Variants in ZNF609 observed in about 807,000 individuals in gnomAD.
The protein encoded by ZNF609 is zinc finger protein 609.
A neutral mutation model predicts 109.5 loss-of-function variants in ZNF609; 11 were observed. The ratio of observed to expected loss-of-function variants is 0.10; its 90% CI spans 0.06 to 0.17. The LOEUF (loss-of-function observed/expected upper bound fraction) is 0.17. Among genes scored for constraint, ZNF609 ranks in the 10% least tolerant of loss-of-function variants. ZNF609 has a pLI of 1.00. For missense variants in ZNF609, 1,559 were observed against 1,772.4 expected (o/e 0.88, Z 2.16); for synonymous variants, 646 against 662.0 (o/e 0.98, Z 0.37).
chr15:64,481,383 C>T (rs1335114667), intron 1 of ZNF609, among the ~76,000 whole-genome samples: 4 of 146,112 alleles, frequency 2.7e-5, no homozygotes, highest in African/African-American at 7.7e-5. Flanking sequence ...TGCAATGGCG[C>T]GATCTCGGCT....
intron 2 of ZNF609, among the ~76,000 whole-genome samples, chr15:64,569,503 A>T (rs1894828464): frequency 6.6e-6 from 1 of 152,252 alleles, no homozygotes; most frequent in Admixed American, 6.5e-5. Flanking sequence ...CCCAAGGAGT[A>T]TCTTTTCTCT....
At chr15:64,542,489 T>G (rs2140382908) in intron 2 of ZNF609, among the ~76,000 whole-genome samples, 1 of 152,374 alleles carries the variant, frequency 6.6e-6, no homozygotes, top group South Asian at 2.1e-4. Context: ...AAATAGGATT[T>G]AAATATTGTC....
chr15:64,655,815 G>A (rs1182207146), intron 3 of ZNF609, among the ~76,000 whole-genome samples: 1 of 152,124 alleles, frequency 6.6e-6, no homozygotes, highest in Non-Finnish European at 1.5e-5. Flanking sequence ...GGCAACGAGA[G>A]AAACTCTGTC....
At chr15:64,623,151 A>G in intron 3 of ZNF609, 99 bp downstream of exon 3, 1 of 1,240,954 alleles carries the variant, frequency 8.1e-7, no homozygotes, top group South Asian at 1.3e-5. Context: ...TGGTTATTAG[A>G]GTCTCAAGTG....
At chr15:64,467,727 C>T (rs1893035740) in intron 1 of ZNF609, among the ~76,000 whole-genome samples, 1 of 152,132 alleles carries the variant, frequency 6.6e-6, no homozygotes, top group Non-Finnish European at 1.5e-5. Context: ...CGTCTGTAGT[C>T]CCAGCTACTC....
chr15:64,493,361 G>A (rs150016344), intron 1 of ZNF609, among the ~76,000 whole-genome samples: 1 of 152,198 alleles, frequency 6.6e-6, no homozygotes, highest in East Asian at 1.9e-4. Flanking sequence ...TGTATGGTCT[G>A]TGACATAAGT....
In ZNF609 at chr15:64,582,723, CT is replaced by C. The variant is rs538806936; in HGVS notation, c.748-40089del. ...CTCTTTCTTTCTTTCTTTCTTTTTT[CT>C]TTTTTTTTTTTTTTGAGACAGAGTC... is the stretch of plus-strand genomic sequence containing the variant. On this transcript the variant is annotated intron_variant, in intron 2 of 9. Transcript: ENST00000326648. Among the ~76,000 whole-genome samples the C allele has an allele frequency of 9.5e-3, 842 of 88,810 alleles. 20 individuals carry two copies. The highest frequency in any genetic ancestry group is 0.036 in the African/African-American group (803 of 22,258). 58.3% of individuals were successfully genotyped at this position (88,810 alleles called of 152,430 possible). A position where few individuals can be genotyped will look rare whatever the true frequency, so the allele number is the denominator to read the frequency against.
At chr15:64,505,614 A>C (rs1014831040) in intron 2 of ZNF609, among the ~76,000 whole-genome samples, 1 of 152,142 alleles carries the variant, frequency 6.6e-6, no homozygotes, top group African/African-American at 2.4e-5. Flanking sequence ...GTCCCATAAA[A>C]CCATGTACAT....
At chr15:64,616,043 G>T (rs1197664155) in intron 2 of ZNF609, among the ~76,000 whole-genome samples, 1 of 151,908 alleles carries the variant, frequency 6.6e-6, no homozygotes, top group African/African-American at 2.4e-5. Context: ...TTCAGATAGG[G>T]TCTCTCATTT....
At chr15:64,541,686 A>G (rs1894265728) in intron 2 of ZNF609, among the ~76,000 whole-genome samples, 1 of 150,922 alleles carries the variant, frequency 6.6e-6, no homozygotes, top group South Asian at 2.1e-4. Flanking sequence ...TAAAAATACA[A>G]ACAATTAGCC....
At chr15:64,651,016 A>G (rs1896408165) in intron 3 of ZNF609, among the ~76,000 whole-genome samples, 1 of 152,156 alleles carries the variant, frequency 6.6e-6, no homozygotes, top group South Asian at 2.1e-4. Flanking sequence ...ACTAATGGAA[A>G]TAGGAAGGAT....
At chr15:64,516,702 G>T (rs1269490429) in intron 2 of ZNF609, among the ~76,000 whole-genome samples, 1 of 152,066 alleles carries the variant, frequency 6.6e-6, no homozygotes, top group African/African-American at 2.4e-5. Flanking sequence ...AGAAAACTTA[G>T]ATTTTATTGT....
intron 2 of ZNF609, among the ~76,000 whole-genome samples, chr15:64,591,383 G>A (rs968407870): frequency 1.8e-4 from 27 of 151,930 alleles, no homozygotes; most frequent in African/African-American, 5.8e-4. Context: ...AGCCAAGATC[G>A]CGCCACTGCA....
intron 2 of ZNF609, among the ~76,000 whole-genome samples, chr15:64,540,533 T>C (rs1009512358): frequency 1.3e-5 from 2 of 151,898 alleles, no homozygotes; most frequent in African/African-American, 4.8e-5. Context: ...GCCTCCCAAG[T>C]AGCTGGGACT....
At chr15:64,546,053 A>G (rs1339266569) in intron 2 of ZNF609, among the ~76,000 whole-genome samples, 1 of 152,152 alleles carries the variant, frequency 6.6e-6, no homozygotes, top group African/African-American at 2.4e-5. Context: ...TGGTAAGTAT[A>G]TATTTAACTT....
In ZNF609 at chr15:64,577,200, AATACATATATATGTAT is replaced by A. The variant is rs1318803646; in HGVS notation, c.748-45623_748-45608del. 2.7e-4 allele frequency among the ~76,000 whole-genome samples: 25 copies of A among 92,002 alleles called. 12 individuals carry two copies. The highest frequency in any genetic ancestry group is 6.3e-4 in the Admixed American group (4 of 6,310). 60.4% of individuals were successfully genotyped at this position (92,002 alleles called of 152,430 possible). ...ACATATATGTGTATATATACACACA[AATACATATATATGTAT>A]ATATATACACACAAATACATACATA... On this transcript the variant is annotated intron_variant, in intron 2 of 9. Transcript: ENST00000326648.
chr15:64,571,356 C>T (rs1672606387), intron 2 of ZNF609, among the ~76,000 whole-genome samples: 1 of 151,958 alleles, frequency 6.6e-6, no homozygotes, highest in South Asian at 2.1e-4. Context: ...ATAGTGCTGG[C>T]ACTTTAAATG....
intron 1 of ZNF609, among the ~76,000 whole-genome samples, chr15:64,487,470 A>C (rs1893348605): frequency 6.6e-6 from 1 of 152,194 alleles, no homozygotes; most frequent in South Asian, 2.1e-4. Flanking sequence ...ACAGATATGT[A>C]ACCACTATCC....
rs1595764426 is a variant in ZNF609, at chr15:64,685,085, G to C, written c.*3399G>C. The C allele has an allele frequency of 6.6e-6, 1 of 152,412 alleles. No homozygotes were observed. Among genetic ancestry groups the C allele is most frequent in the East Asian group, 1.9e-4 (1 of 5,184 alleles). The allele number at this position is 152,412 out of a possible 1,614,324, so 9.4% of individuals were successfully genotyped here. On this transcript the variant is annotated 3_prime_UTR_variant, in exon 10 of 10. Coordinates refer to ENST00000326648, the MANE Select transcript of ZNF609 (RefSeq NM_015042.2). ...GCTGTTCATAGATTTTGTTCCATTG[G>C]CGTTGCTCTGTTGAATTTAATTTCA... is the stretch of plus-strand genomic sequence containing the variant.
Sources: allele counts gnomAD v4.1 joint callset (sites outside exome capture counted in the v4.1 genomes callset), GRCh38; gene constraint gnomAD v4.1.1; transcripts MANE v1.5; gene names NCBI Gene and HGNC (gene_info 2026-07-23, HGNC 2026-07-21).